Variants in FHIT observed in about 807,000 individuals in gnomAD.
FHIT encodes the protein bis(5'-adenosyl)-triphosphatase.
Under a neutral mutation model 17.9 loss-of-function variants are expected in FHIT, and 19 were observed. The observed-to-expected ratio is 1.06, with a 90% confidence interval of 0.74 to 1.56. The LOEUF (loss-of-function observed/expected upper bound fraction) is 1.56. FHIT is among the 40% of genes most tolerant of loss of function. The pLI, the probability that FHIT is intolerant of heterozygous loss-of-function variation, is 0.00. For synonymous variants in FHIT, 81 were observed against 69.7 expected, an observed-to-expected ratio of 1.16 and a Z score of -0.81; for missense variants, 248 against 189.2, an observed-to-expected ratio of 1.31 and a Z score of -1.82.
At chr3:60,277,836 G>A (rs1707230628) in intron 5 of FHIT, among the ~76,000 whole-genome samples, 1 of 152,016 alleles carries the variant, frequency 6.6e-6, no homozygotes, top group African/African-American at 2.4e-5. Flanking sequence ...TAATTTTCCC[G>A]GCATGAGATG....
intron 2 of FHIT, among the ~76,000 whole-genome samples, chr3:61,067,737 A>G (rs1310352665): frequency 6.6e-6 from 1 of 152,194 alleles, no homozygotes; most frequent in East Asian, 1.9e-4. Flanking sequence ...AGGGTGCTTC[A>G]AAAGCTCCAA....
chr3:60,105,591 C>T (rs1024510956), intron 5 of FHIT, among the ~76,000 whole-genome samples: 3 of 152,122 alleles, frequency 2.0e-5, no homozygotes, highest in Non-Finnish European at 4.4e-5. Flanking sequence ...TGTCACTACT[C>T]AGCTAATGGT....
chr3:61,213,254 G>T (rs2039549943), intron 1 of FHIT, among the ~76,000 whole-genome samples: 1 of 151,960 alleles, frequency 6.6e-6, no homozygotes, highest in Non-Finnish European at 1.5e-5. Context: ...CTGTATTCAG[G>T]AAACCCATCT....
intron 5 of FHIT, among the ~76,000 whole-genome samples, chr3:60,216,733 G>A (rs1266724107): frequency 6.6e-6 from 1 of 152,218 alleles, no homozygotes; most frequent in Non-Finnish European, 1.5e-5. Flanking sequence ...AAATGTCTTA[G>A]GCTATCACCT....
At chr3:60,118,107 T>C (rs1484581876) in intron 5 of FHIT, among the ~76,000 whole-genome samples, 1 of 152,132 alleles carries the variant, frequency 6.6e-6, no homozygotes, top group Non-Finnish European at 1.5e-5. Context: ...ATAATGTATT[T>C]TGATATCTTA....
At chr3:60,536,258 C>T (rs1576832537) in intron 5 of FHIT, 1 of 152,146 alleles carries the variant, frequency 6.6e-6, no homozygotes, top group Admixed American at 6.6e-5. Context: ...GGAAATAAAA[C>T]AACTCCACCA....
At chr3:60,205,589 G>C (rs1004172361) in intron 5 of FHIT, among the ~76,000 whole-genome samples, 3 of 152,144 alleles carry the variant, frequency 2.0e-5, no homozygotes, top group African/African-American at 7.2e-5. Flanking sequence ...AGGATTCTGG[G>C]AGCACTCCAG....
chr3:60,944,270 T>G (rs1708549587), intron 3 of FHIT, among the ~76,000 whole-genome samples: 1 of 152,194 alleles, frequency 6.6e-6, no homozygotes, highest in Non-Finnish European at 1.5e-5. Context: ...ATTAATGTCC[T>G]GAAGAATCTA....
intron 4 of FHIT, among the ~76,000 whole-genome samples, chr3:60,697,229 G>A (rs782291833): frequency 5.3e-5 from 8 of 152,102 alleles, no homozygotes; most frequent in Non-Finnish European, 7.4e-5. Context: ...AATTAATGAA[G>A]GAAAATGGAT....
chr3:59,761,493 C>T (rs1701509755), intron 8 of FHIT, among the ~76,000 whole-genome samples: 1 of 152,112 alleles, frequency 6.6e-6, no homozygotes, highest in African/African-American at 2.4e-5. Flanking sequence ...AAATCAGGTA[C>T]AGGTACAGGT....
chr3:60,062,674 C>A (rs769950093), intron 5 of FHIT, among the ~76,000 whole-genome samples: 1 of 152,142 alleles, frequency 6.6e-6, no homozygotes, highest in East Asian at 1.9e-4. Context: ...AAAACAGAAA[C>A]AAAAACAAAC....
chr3:60,850,913 T>TGTCC (rs542690912), intron 3 of FHIT, among the ~76,000 whole-genome samples: 1 of 152,132 alleles, frequency 6.6e-6, no homozygotes, highest in Non-Finnish European at 1.5e-5. Context: ...GCTAAGTGAA[T>TGTCC]GTCCCCACAT....
intron 5 of FHIT, among the ~76,000 whole-genome samples, chr3:60,050,851 A>G (rs1177018262): frequency 6.6e-6 from 1 of 152,146 alleles, no homozygotes; most frequent in Non-Finnish European, 1.5e-5. Flanking sequence ...ATATTCCAGA[A>G]ATCAGACTCA....
chr3:60,045,814 A>T (rs1701630165), intron 5 of FHIT, among the ~76,000 whole-genome samples: 1 of 152,290 alleles, frequency 6.6e-6, no homozygotes, highest in Admixed American at 6.5e-5. Flanking sequence ...ATCAACTGAA[A>T]TGGAGAATGG....
chr3:59,974,529 C>T (rs1708326429), intron 7 of FHIT, among the ~76,000 whole-genome samples: 1 of 152,246 alleles, frequency 6.6e-6, no homozygotes, highest in Middle Eastern at 3.4e-3. Flanking sequence ...TATTTTCTAC[C>T]TCATCTGTCT....
At position 60,589,563 on chromosome 3, in the gene FHIT, A is replaced by G. The variant is rs111506720; in HGVS notation, c.-17-52584T>C. ...ATCCTTTGCTAATAGAAATGATGCT[A>G]TAAGGAACACTCTTCTTCATATGGC... On this transcript the variant is annotated intron_variant, in intron 4 of 9. Coordinates refer to ENST00000492590, the MANE Select transcript of FHIT (RefSeq NM_002012.4). 3.0e-4 allele frequency among the ~76,000 whole-genome samples: 45 copies of G among 152,180 alleles called. 1 individual carries two copies. The East Asian group carries it at 3.7e-3, about 12-fold the overall frequency.
At chr3:59,851,458 G>C (rs1385396348) in intron 8 of FHIT, among the ~76,000 whole-genome samples, 7 of 152,042 alleles carry the variant, frequency 4.6e-5, no homozygotes, top group African/African-American at 1.7e-4. Context: ...AGAGAAGAAG[G>C]CAAAGTGTGA....
At chr3:60,863,868 G>A (rs1341720323) in intron 3 of FHIT, among the ~76,000 whole-genome samples, 1 of 152,148 alleles carries the variant, frequency 6.6e-6, no homozygotes, top group South Asian at 2.1e-4. Flanking sequence ...GACATCTATT[G>A]AGTACTTGTC....
intron 8 of FHIT, among the ~76,000 whole-genome samples, chr3:59,856,600 T>C (rs1221931675): frequency 6.6e-6 from 1 of 152,242 alleles, no homozygotes; most frequent in Non-Finnish European, 1.5e-5. Context: ...AAATTTTATT[T>C]CCAATATACA....
Sources: gnomAD v4.1 joint callset for allele counts (sites outside exome capture counted in the v4.1 genomes callset) on GRCh38, gnomAD v4.1.1 for gene constraint, MANE v1.5 for transcripts, NCBI Gene and HGNC (gene_info 2026-07-23, HGNC 2026-07-21) for gene names.